MYOCD: variants seen among roughly 807,000 people sequenced by gnomAD.
The protein encoded by MYOCD is myocardin.
MYOCD carries 32 observed loss-of-function variants against 96.1 expected under a neutral mutation model. That is an observed-to-expected ratio of 0.33 (90% CI 0.25 to 0.45). The LOEUF (loss-of-function observed/expected upper bound fraction) is 0.45, where lower values mean the gene tolerates loss of function less well. MYOCD is among the 20% of genes least tolerant of loss of function. MYOCD has a pLI of 1.00. For synonymous variants in MYOCD, 469 were observed against 469.0 expected, an observed-to-expected ratio of 1.00 and a Z score of 0.00; for missense variants, 1,133 against 1,200.6, an observed-to-expected ratio of 0.94 and a Z score of 0.83.
At chr17:12,756,248 G>C (rs540893849) in intron 10 of MYOCD, among the ~76,000 whole-genome samples, 166 bp from the exon 11 acceptor site, 1 of 152,308 alleles carries the variant, frequency 6.6e-6, no homozygotes, top group Admixed American at 6.5e-5. Context: ...AGCAGTAGGT[G>C]ATGTCTAAAA....
chr17:12,680,711 T>C (rs1300389703), intron 1 of MYOCD, among the ~76,000 whole-genome samples: 1 of 152,184 alleles, frequency 6.6e-6, no homozygotes, highest in African/African-American at 2.4e-5. Context: ...ATGGAGCAAT[T>C]TGTCTTCTGA....
At chr17:12,692,011 T>TGA (rs1217450128) in intron 1 of MYOCD, among the ~76,000 whole-genome samples, 1 of 152,102 alleles carries the variant, frequency 6.6e-6, no homozygotes, top group Non-Finnish European at 1.5e-5. Context: ...ATTATCAGCA[T>TGA]GAGAGAGAGA....
chr17:12,706,724 T>C (rs2031301364), intron 2 of MYOCD, among the ~76,000 whole-genome samples: 1 of 152,188 alleles, frequency 6.6e-6, no homozygotes, highest in South Asian at 2.1e-4. Context: ...ACCTATCATG[T>C]AAGTTATATA....
At chr17:12,672,046 T>C (rs1299850097) in intron 1 of MYOCD, 1 of 152,194 alleles carries the variant, frequency 6.6e-6, no homozygotes, top group African/African-American at 2.4e-5. Context: ...TGGGAGCCCA[T>C]CTGGGACTCC....
At position 12,768,830 on chromosome 17, in the gene MYOCD, G is replaced by T. The variant is rs1169217424; in HGVS notation, c.*5186G>T. ...CAATTGAGCATAATCAGAAAGAAAT[G>T]TGGGTTATTGGGAAGAGACAAAAAG... On this transcript the variant is annotated 3_prime_UTR_variant, in exon 14 of 14. Coordinates refer to ENST00000425538, the MANE Select transcript of MYOCD (RefSeq NM_001146312.3). 2 of 151,154 alleles carry T rather than the reference G, an allele frequency of 1.3e-5. No individual in the cohort carries two copies. The highest frequency in any genetic ancestry group is 2.9e-5 in the Non-Finnish European group (2 of 67,958). The allele number at this position is 151,154 out of a possible 1,614,324, so 9.4% of individuals were successfully genotyped here.
At position 12,768,914 on chromosome 17, in the gene MYOCD, T is replaced by C. The variant is rs1205533230; in HGVS notation, c.*5270T>C. 1 of 151,240 alleles carries C rather than the reference T, an allele frequency of 6.6e-6. No homozygotes were observed. The highest frequency in any genetic ancestry group is 1.5e-5 in the Non-Finnish European group (1 of 67,860). The allele number at this position is 151,240 out of a possible 1,614,324, so 9.4% of individuals were successfully genotyped here. A position where few individuals can be genotyped will look rare whatever the true frequency, so the allele number is the denominator to read the frequency against. On this transcript the variant is annotated 3_prime_UTR_variant, in exon 14 of 14. Coordinates refer to ENST00000425538, the MANE Select transcript of MYOCD (RefSeq NM_001146312.3). ...TTTTTTAAAAAAAAAAAAAAATGCA[T>C]ATATTTTTAAATAAAATGTTTATTT...
chr17:12,672,814 T>C (rs1909786213), intron 1 of MYOCD, among the ~76,000 whole-genome samples: 1 of 152,194 alleles, frequency 6.6e-6, no homozygotes, highest in Non-Finnish European at 1.5e-5. Context: ...TATTGGGTTC[T>C]CCTAGCTCTC....
chr17:12,684,387 G>A (rs1451846958), intron 1 of MYOCD, among the ~76,000 whole-genome samples: 1 of 152,098 alleles, frequency 6.6e-6, no homozygotes, highest in African/African-American at 2.4e-5. Context: ...AGCATCCATG[G>A]CCCTCTTTTT....
chr17:12,735,970 TC>T (rs1323136192), intron 5 of MYOCD, among the ~76,000 whole-genome samples, 190 bp from the exon 6 acceptor site: 2 of 152,210 alleles, frequency 1.3e-5, no homozygotes, highest in Non-Finnish European at 2.9e-5. Flanking sequence ...GAGCACTCTT[TC>T]CTCCATGCCA....
At chr17:12,688,758 C>T (rs1377992076) in intron 1 of MYOCD, among the ~76,000 whole-genome samples, 1 of 146,662 alleles carries the variant, frequency 6.8e-6, no homozygotes, top group Non-Finnish European at 1.5e-5. Context: ...TGCTTCCTTC[C>T]TTCCTTCTTT....
chr17:12,765,315 A>G lies in MYOCD; in HGVS notation c.*1671A>G, dbSNP rs1239482044. 1 of 100,454 alleles carries G rather than the reference A, an allele frequency of 1.0e-5. No individual in the cohort carries two copies. Among genetic ancestry groups the G allele is most frequent in the Non-Finnish European group, 2.1e-5 (1 of 48,350 alleles). The allele number at this position is 100,454 out of a possible 1,614,324, so 6.2% of individuals were successfully genotyped here. ...CTAAGGCACTGTTTTTATCTTTTGTAAAAAAAAAAAAAAAGTTGTTCACTG... is the reference window on the plus strand; with the variant it reads ...CTAAGGCACTGTTTTTATCTTTTGTGAAAAAAAAAAAAAAGTTGTTCACTG... On this transcript the variant is annotated 3_prime_UTR_variant, in exon 14 of 14. Coordinates refer to ENST00000425538, the MANE Select transcript of MYOCD (RefSeq NM_001146312.3).
intron 2 of MYOCD, among the ~76,000 whole-genome samples, chr17:12,710,745 G>T (rs976846151): frequency 6.6e-6 from 1 of 152,060 alleles, no homozygotes; most frequent in Non-Finnish European, 1.5e-5. Flanking sequence ...AGTACACGGC[G>T]CAAGGGAATT....
chr17:12,751,599 C>T lies in MYOCD; in HGVS notation c.1126-815C>T, dbSNP rs967359488. Among the ~76,000 whole-genome samples, 4 of 152,156 alleles carry T rather than the reference C, an allele frequency of 2.6e-5. No homozygotes were observed. In the East Asian group the frequency reaches 7.7e-4, roughly 29 times the overall value. ...ATATTGCACAACAATTTGCCAGGCA[C>T]TATTCCAAGTGCTTTATACATTTTA... On this transcript the variant is annotated intron_variant, in intron 9 of 13. Coordinates refer to ENST00000425538, the MANE Select transcript of MYOCD (RefSeq NM_001146312.3).
chr17:12,700,743 C>G (rs1329936999), intron 1 of MYOCD, among the ~76,000 whole-genome samples: 1 of 151,874 alleles, frequency 6.6e-6, no homozygotes. Context: ...TGATTAAGAT[C>G]TATGATATTG....
chr17:12,676,255 A>T (rs1368746180), intron 1 of MYOCD, among the ~76,000 whole-genome samples: 1 of 96,720 alleles, frequency 1.0e-5, no homozygotes. Flanking sequence ...GCACACACAC[A>T]CACACACACA....
At chr17:12,702,543 G>A (rs1020022436) in intron 1 of MYOCD, among the ~76,000 whole-genome samples, 4 of 151,816 alleles carry the variant, frequency 2.6e-5, no homozygotes, top group African/African-American at 7.2e-5. Flanking sequence ...AAAATTTGAT[G>A]TAATTATTGG....
At chr17:12,693,088 C>A (rs8074610) in intron 1 of MYOCD, among the ~76,000 whole-genome samples, 15,128 of 152,108 alleles carry the variant, frequency 0.099, 882 homozygotes, top group Non-Finnish European at 0.13. Flanking sequence ...AGTTTCTATG[C>A]ATTTTTAAAT....
intron 2 of MYOCD, among the ~76,000 whole-genome samples, chr17:12,708,445 G>A (rs1384622923): frequency 6.6e-6 from 1 of 151,744 alleles, no homozygotes; most frequent in Non-Finnish European, 1.5e-5. Flanking sequence ...CCAGGCTGGA[G>A]TGCAGTAGCG....
intron 1 of MYOCD, among the ~76,000 whole-genome samples, chr17:12,675,864 A>G (rs1909999651): frequency 6.6e-6 from 1 of 152,044 alleles, no homozygotes; most frequent in African/African-American, 2.4e-5. Context: ...GTCTCAATCA[A>G]TCAATCAATC....
Sources: gnomAD v4.1 joint callset for allele counts (sites outside exome capture counted in the v4.1 genomes callset) on GRCh38, gnomAD v4.1.1 for gene constraint, MANE v1.5 for transcripts, NCBI Gene and HGNC (gene_info 2026-07-23, HGNC 2026-07-21) for gene names.